The following DCP1B variants were observed in gnomAD, a reference collection of about 807,000 sequenced individuals.
DCP1B encodes the protein mRNA-decapping enzyme 1B.
In DCP1B, 47 loss-of-function variants were observed where a neutral mutation model predicts 60.5. That is an observed-to-expected ratio of 0.78 (90% CI 0.61 to 0.99). The LOEUF is 0.99. DCP1B is among the 50% of genes least tolerant of loss of function. DCP1B has a pLI of 0.00. For synonymous variants in DCP1B, 267 were observed against 280.3 expected (o/e 0.95, Z 0.47); for missense variants, 725 against 756.8 (o/e 0.96, Z 0.49).
intron 6 of DCP1B, 134 bp from the exon 7 acceptor site, chr12:1,953,422 A>G: frequency 8.9e-7 from 1 of 1,125,186 alleles, no homozygotes. Flanking sequence ...AAATAATAAT[A>G]ATAAACTTGA....
At chr12:1,991,120 C>A in intron 3 of DCP1B, 1 of 456,114 alleles carries the variant, frequency 2.2e-6, no homozygotes, top group Non-Finnish European at 4.4e-6. Flanking sequence ...CCAAAGGCTA[C>A]CTTTAATTTG....
chr12:1,971,541 T>G lies in DCP1B; in HGVS notation c.320-3631A>C, dbSNP rs375737072. ...TTCCATATAGACTTCATGTCTGGAT[T>G]TTTTAGGTCCACAAAGACAAGGCAG... On this transcript the variant is annotated intron_variant, in intron 3 of 8. Coordinates refer to ENST00000280665, the MANE Select transcript of DCP1B (RefSeq NM_152640.5). The surrounding 1 kb of genome is among the most constrained non-coding windows in gnomAD (Gnocchi z 4.2). 7.2e-5 allele frequency among the ~76,000 whole-genome samples: 11 copies of G among 152,342 alleles called. No individual in the cohort carries two copies. Among genetic ancestry groups the G allele is most frequent in the African/African-American group, 2.6e-4 (11 of 41,576 alleles).
intron 5 of DCP1B, among the ~76,000 whole-genome samples, chr12:1,956,737 A>T (rs963851595): frequency 6.6e-6 from 1 of 152,256 alleles, no homozygotes; most frequent in African/African-American, 2.4e-5. Context: ...GATAACCAAG[A>T]CAAGACAAGA....
At chr12:1,998,141 C>T (rs1180431519) in intron 1 of DCP1B, among the ~76,000 whole-genome samples, 166 bp from the exon 2 acceptor site, 1 of 152,216 alleles carries the variant, frequency 6.6e-6, no homozygotes, top group Non-Finnish European at 1.5e-5. Context: ...TCTATGTCAT[C>T]ATTGTGCCTC....
At position 1,955,478 on chromosome 12, in the gene DCP1B, A is replaced by G. The variant is rs768593482; in HGVS notation, c.605T>C (p.Val202Ala). 1.2e-6 allele frequency: 2 copies of G among 1,613,796 alleles called. No homozygotes were observed. The highest frequency in any genetic ancestry group is 8.5e-7 in the Non-Finnish European group (1 of 1,179,862). The change falls in exon 6 of 9, where the codon GTG becomes GCG. Residue 202 changes from valine to alanine, a missense_variant. Transcript: ENST00000280665. The part of the protein sequence containing the change: ...DNPNLIKPIP[V>A]KPSENQQQRI... ...CTGTTGCTGGTTTTCACTGGGTTTC[A>G]CTGGAATTGGTTTGATGAGATTTGG... is the stretch of plus-strand genomic sequence containing the variant.
At chr12:1,945,603 T>C (rs1684501082), downstream of DCP1B, among the ~76,000 whole-genome samples, 1 of 152,220 alleles carries the variant, frequency 6.6e-6, no homozygotes, top group Non-Finnish European at 1.5e-5. Flanking sequence ...TGCAGCACTA[T>C]TCACAATAGC....
At chr12:1,957,207 C>T (rs74059677) in intron 5 of DCP1B, among the ~76,000 whole-genome samples, 231 of 152,282 alleles carry the variant, frequency 1.5e-3, no homozygotes, top group African/African-American at 5.4e-3. Flanking sequence ...TTTGAAAAAG[C>T]ATATAATGGA....
At chr12:2,000,178 C>T (rs906369436) in intron 1 of DCP1B, among the ~76,000 whole-genome samples, 1 of 152,138 alleles carries the variant, frequency 6.6e-6, no homozygotes, top group Admixed American at 6.5e-5. Context: ...CACAAGTCCA[C>T]AAAGCATTTA....
At chr12:1,943,581 C>T (rs1047835196), downstream of DCP1B, among the ~76,000 whole-genome samples, 1 of 152,178 alleles carries the variant, frequency 6.6e-6, no homozygotes, top group African/African-American at 2.4e-5. Context: ...CATCAAAAAG[C>T]TTATCCACCA....
chr12:1,994,698 A>G (rs539569730), intron 2 of DCP1B, among the ~76,000 whole-genome samples: 1 of 152,236 alleles, frequency 6.6e-6, no homozygotes, highest in Non-Finnish European at 1.5e-5. Flanking sequence ...TTTAAATGGG[A>G]TTAAGTGTTT....
intron 3 of DCP1B, among the ~76,000 whole-genome samples, chr12:1,984,989 T>G (rs1188802888): frequency 4.6e-5 from 7 of 151,914 alleles, no homozygotes; most frequent in Non-Finnish European, 1.0e-4. Context: ...AAAACATTAT[T>G]ATCCTAGATG....
chr12:1,998,965 ACAG>A (rs1268970020), intron 1 of DCP1B, among the ~76,000 whole-genome samples: 1 of 152,240 alleles, frequency 6.6e-6, no homozygotes. Context: ...TAATGTCAAA[ACAG>A]CAGTTTTTAA....
intron 5 of DCP1B, among the ~76,000 whole-genome samples, chr12:1,964,966 G>T (rs1248138448): frequency 3.3e-5 from 5 of 151,590 alleles, no homozygotes; most frequent in African/African-American, 1.2e-4. Context: ...TTCTTTCCAT[G>T]AGCCTTACAC....
intron 3 of DCP1B, among the ~76,000 whole-genome samples, chr12:1,988,918 G>C (rs866372684): frequency 5.9e-5 from 9 of 152,302 alleles, no homozygotes; most frequent in African/African-American, 2.2e-4. Flanking sequence ...TTAAGACTTA[G>C]GAGGAGTTTT....
chr12:1,991,758 T>C (rs1169938349), intron 3 of DCP1B: 1 of 155,972 alleles, frequency 6.4e-6, no homozygotes, highest in African/African-American at 2.4e-5. Context: ...AGAAGGTTAT[T>C]TTTTAAATTG....
intron 3 of DCP1B, among the ~76,000 whole-genome samples, chr12:1,968,521 G>A (rs1320756956): frequency 2.0e-5 from 3 of 152,018 alleles, no homozygotes; most frequent in Non-Finnish European, 4.4e-5. Context: ...GAATACAGAC[G>A]GAAAATGAAA....
Position 1,995,359 on chromosome 12 carries a change from T to G in DCP1B, c.192-1968A>C, listed in dbSNP as rs149729962. On this transcript the variant is annotated intron_variant, in intron 2 of 8. Transcript: ENST00000280665. ...CCTGTGTGCATGGCACATAGTACAG[T>G]GCAACCCTATGGCTTTTGTTGTAAA... Among the ~76,000 whole-genome samples, 90 of 152,384 alleles carry G rather than the reference T, an allele frequency of 5.9e-4. 1 individual carries two copies. In the East Asian group the frequency reaches 0.01, roughly 17 times the overall value.
chr12:1,993,345 T>A lies in DCP1B; in HGVS notation c.238A>T (p.Met80Leu). Residue 80 changes from methionine (M) to leucine (L), a missense_variant, in exon 3 of 9, where the codon ATG becomes TTG. Met to Leu is a conservative substitution (Grantham distance 15). Transcript: ENST00000280665. ...HGFTIMNRLS[M>L]ENRTEPITKD... ...GTAATAGGTTCTGTCCTATTTTCCA[T>A]GCTCAGCCTATTCATAATGGTGAAT... The A allele has an allele frequency of 6.2e-7, 1 of 1,614,104 alleles. No individual in the cohort carries two copies. The highest frequency in any genetic ancestry group is 1.7e-5 in the Admixed American group (1 of 60,026).
intron 3 of DCP1B, 120 bp downstream of exon 3, chr12:1,993,144 T>G: frequency 7.6e-7 from 1 of 1,317,110 alleles, no homozygotes; most frequent in Non-Finnish European, 1.1e-6. Context: ...TTTGTTAAAA[T>G]GCTGACACCC....
Sources: gnomAD v4.1 joint callset for allele counts (sites outside exome capture counted in the v4.1 genomes callset) on GRCh38, gnomAD v4.1.1 for gene constraint, Gnocchi (gnomAD v3.1) non-coding constraint, MANE v1.5 for transcripts, NCBI Gene and HGNC (gene_info 2026-07-23, HGNC 2026-07-21) for gene names.